Variants in POU2AF3 observed in about 807,000 individuals in gnomAD.
POU2AF3 encodes the protein POU class 2 homeobox associating factor 3.
the POU2AF3 span, chr11:111,298,828 C>CGGGGGGGGGG: frequency 2.4e-6 from 1 of 411,066 alleles, no homozygotes; most frequent in Non-Finnish European, 4.1e-6. Flanking sequence ...TACCCCAGGC[C>CGGGGGGGGGG]CCCGCCCGCC....
At chr11:111,300,403 TTG>T in the POU2AF3 span, 2 of 381,290 alleles carry the variant, frequency 5.2e-6, no homozygotes, top group South Asian at 1.4e-4. Context: ...TTGACATTTT[TTG>T]TGTGTGTTCT....
At chr11:111,298,683 G>C in the POU2AF3 span, 1 of 1,183,172 alleles carries the variant, frequency 8.5e-7, no homozygotes, top group Admixed American at 4.2e-5. Flanking sequence ...AGAACAGAGA[G>C]GCACAAAGTC....
the POU2AF3 span, chr11:111,307,970 C>G: frequency 1.7e-6 from 2 of 1,180,966 alleles, no homozygotes; most frequent in Non-Finnish European, 1.1e-6. Context: ...GTTTTTTACC[C>G]CTCATTTTCT....
At chr11:111,305,085 T>TAATTGGAATCCAACC in the POU2AF3 span, 1 of 612,988 alleles carries the variant, frequency 1.6e-6, no homozygotes, top group African/African-American at 1.9e-5. Context: ...CACCACCATT[T>TAATTGGAATCCAACC]AATTGGAATC....
At chr11:111,304,911 T>C in the POU2AF3 span, 20 of 1,230,230 alleles carry the variant, frequency 1.6e-5, no homozygotes, top group Non-Finnish European at 1.9e-5. Flanking sequence ...TTCACGGTGA[T>C]ATTCTTGCTT....
chr11:111,305,038 A>G, the POU2AF3 span: 2 of 1,103,450 alleles, frequency 1.8e-6, no homozygotes, highest in Admixed American at 4.2e-5. Context: ...AGTCCATCTC[A>G]AAAGTCTTTC....
At chr11:111,302,178 C>T in the POU2AF3 span, among the ~76,000 whole-genome samples, 2 of 152,162 alleles carry the variant, frequency 1.3e-5, no homozygotes, top group East Asian at 1.9e-4. Flanking sequence ...CTCATGGCAA[C>T]GCTAAAAGTA....
the POU2AF3 span, chr11:111,298,608 T>G: frequency 1.6e-6 from 2 of 1,246,520 alleles, no homozygotes; most frequent in African/African-American, 3.1e-5. Flanking sequence ...CTGCTTCTCC[T>G]AGGGTCGGGT....
the POU2AF3 span, chr11:111,308,104 T>C: frequency 6.5e-7 from 1 of 1,532,956 alleles, no homozygotes. Context: ...CCATTCTCTC[T>C]GGCTCCTTAG....
the POU2AF3 span, chr11:111,304,743 T>G: frequency 2.5e-6 from 1 of 392,812 alleles, no homozygotes; most frequent in East Asian, 3.6e-5. Flanking sequence ...ACTTGTTTTT[T>G]ACAATATATT....
chr11:111,298,775 G>A, the POU2AF3 span: 3 of 1,158,032 alleles, frequency 2.6e-6, no homozygotes, highest in African/African-American at 3.2e-5. Context: ...TGTCCCGGAG[G>A]GCAGAGGCCC....
At chr11:111,300,086 C>G in the POU2AF3 span, 1 of 389,910 alleles carries the variant, frequency 2.6e-6, no homozygotes. Context: ...CTACGTCAGC[C>G]GCCATAATCA....
chr11:111,307,929 A>G, the POU2AF3 span: 1 of 673,616 alleles, frequency 1.5e-6, no homozygotes, highest in African/African-American at 1.8e-5. Flanking sequence ...ACTTCTGCAG[A>G]CTTGGGTTGG....
At chr11:111,306,264 G>A in the POU2AF3 span, 22 of 461,616 alleles carry the variant, frequency 4.8e-5, no homozygotes, top group Admixed American at 8.2e-5. Flanking sequence ...TTGCATTCCC[G>A]TTTACTTTTC....
the POU2AF3 span, chr11:111,308,552 G>A: frequency 1.7e-6 from 2 of 1,153,318 alleles, no homozygotes; most frequent in Non-Finnish European, 1.2e-6. Context: ...CAGTTTACAT[G>A]TCACTATTTC....
chr11:111,308,349 G>A, the POU2AF3 span: 5 of 1,551,716 alleles, frequency 3.2e-6, no homozygotes, highest in Non-Finnish European at 4.4e-6. Flanking sequence ...TTCTACCCGA[G>A]CACAGACTGT....
At chr11:111,298,947 G>C in the POU2AF3 span, 17 of 1,032,648 alleles carry the variant, frequency 1.6e-5, no homozygotes, top group Non-Finnish European at 1.7e-5. Flanking sequence ...GACGGGGGCA[G>C]AGCGCACCGA....
the POU2AF3 span, chr11:111,299,230 G>A: frequency 1.0e-6 from 1 of 984,314 alleles, no homozygotes; most frequent in Non-Finnish European, 1.2e-6. Flanking sequence ...CAGTGACCAG[G>A]CGAGGCGCTG....
chr11:111,306,492 C>T, the POU2AF3 span: 1 of 1,531,776 alleles, frequency 6.5e-7, no homozygotes. Context: ...CTCAAGCTGC[C>T]TCGACCAGAT....
Sources: allele counts gnomAD v4.1 joint callset (sites outside exome capture counted in the v4.1 genomes callset), GRCh38; gene constraint gnomAD v4.1.1; transcripts MANE v1.5; gene names NCBI Gene and HGNC (gene_info 2026-07-23, HGNC 2026-07-21).